SEC24A: variants seen among roughly 807,000 people sequenced by gnomAD.
The protein encoded by SEC24A is protein transport protein Sec24A.
In SEC24A, 93 loss-of-function variants were observed where a neutral mutation model predicts 129.4. The observed-to-expected ratio is 0.72, with a 90% CI of 0.61 to 0.85. SEC24A has a LOEUF of 0.85. SEC24A is among the 40% of genes least tolerant of loss of function. SEC24A has a pLI of 0.00. For synonymous variants in SEC24A, 460 were observed against 467.3 expected, an observed-to-expected ratio of 0.98 and a Z score of 0.20; for missense variants, 1,264 against 1,307.4, an observed-to-expected ratio of 0.97 and a Z score of 0.51.
intron 2 of SEC24A, 148 bp downstream of exon 2, chr5:134,661,734 G>A: frequency 1.4e-6 from 1 of 714,594 alleles, no homozygotes; most frequent in Non-Finnish European, 2.2e-6. Context: ...TTGTTTTTCG[G>A]CTTTCCAGCA....
intron 11 of SEC24A, among the ~76,000 whole-genome samples, chr5:134,689,173 A>C (rs1751550235): frequency 6.6e-6 from 1 of 152,224 alleles, no homozygotes; most frequent in Admixed American, 6.5e-5. Flanking sequence ...AACAGGGGCA[A>C]ATATTTATGC....
chr5:134,708,982 G>C, intron 18 of SEC24A, 94 bp downstream of exon 18: 3 of 1,189,690 alleles, frequency 2.5e-6, no homozygotes, highest in Non-Finnish European at 3.6e-6. Flanking sequence ...GACGTGGGTG[G>C]ATTGCTTGAG....
At chr5:134,676,461 T>C (rs1330368909) in intron 7 of SEC24A, among the ~76,000 whole-genome samples, 34 of 146,446 alleles carry the variant, frequency 2.3e-4, no homozygotes, top group East Asian at 1.4e-3. Context: ...TTTTTTTTTT[T>C]CTGAGACTGG....
In SEC24A at chr5:134,727,676, T is replaced by C. The variant is rs931386229; in HGVS notation, c.*2582T>C. The C allele has an allele frequency of 6.6e-6, 1 of 152,624 alleles. No individual in the cohort carries two copies. The highest frequency in any genetic ancestry group is 1.5e-5 in the Non-Finnish European group (1 of 68,024). 9.5% of individuals were successfully genotyped at this position (152,624 alleles called of 1,614,324 possible). A position where few individuals can be genotyped will look rare whatever the true frequency, so the allele number is the denominator to read the frequency against. On this transcript the variant is annotated 3_prime_UTR_variant, in exon 23 of 23. Transcript: ENST00000398844. ...TAAAGTAGTGTATAATATTGTAATA[T>C]TAAATTCTTGTTCTTAAATTCAAAT...
Position 134,705,354 on chromosome 5 carries a change from T to A in SEC24A, c.2468T>A (p.Leu823Ter), listed in dbSNP as rs757679915. The A allele has an allele frequency of 1.9e-6, 3 of 1,613,552 alleles. No homozygotes were observed. The African/African-American group carries it at 4.0e-5, about 22-fold the overall frequency. ...KGERRIRVHTLCLPVVSTLND... is the reference protein window; with the variant it reads ...KGERRIRVHT The stretch of plus-strand genomic sequence containing the variant: ...GAAAGAAGAATTCGTGTTCATACTT[T>A]GTGTTTGCCAGTAGTTTCGACTCTG... The change falls in exon 17 of 23, where the codon TTG becomes TAG. Residue 823 changes from leucine (L) to a stop codon, truncating the protein, a stop_gained. Coordinates refer to ENST00000398844, the MANE Select transcript of SEC24A (RefSeq NM_021982.3). LOFTEE classifies it high-confidence loss of function.
At chr5:134,697,611 C>T (rs1428593739) in intron 14 of SEC24A, among the ~76,000 whole-genome samples, 2 of 151,992 alleles carry the variant, frequency 1.3e-5, no homozygotes, top group Admixed American at 6.6e-5. Flanking sequence ...AAAAAACTAG[C>T]CAGACATGGT....
Position 134,692,201 on chromosome 5 carries a change from C to G in SEC24A, c.1724-401C>G, listed in dbSNP as rs138667158. Among the ~76,000 whole-genome samples, 9 of 152,044 alleles carry G rather than the reference C, an allele frequency of 5.9e-5. No individual in the cohort carries two copies. The East Asian group carries it at 1.7e-3, about 29-fold the overall frequency. On this transcript the variant is annotated intron_variant, in intron 11 of 22. Transcript: ENST00000398844. Reference sequence around the variant, plus strand: ...AGCTGGGACTATAGGCATGTACCACCATGCCTGGCTCATTTTTGTACTTTT... The same window carrying G: ...AGCTGGGACTATAGGCATGTACCACGATGCCTGGCTCATTTTTGTACTTTT...
At position 134,719,699 on chromosome 5, in the gene SEC24A, T is replaced by G. The variant is rs117562605; in HGVS notation, c.2971-1299T>G. ...CAAGGCCCTGTCTCAAAAACAAAAT[T>G]AAGAGACTGGGCGCAGTAGCCCACA... On this transcript the variant is annotated intron_variant, in intron 20 of 22. Coordinates refer to ENST00000398844, the MANE Select transcript of SEC24A (RefSeq NM_021982.3). Among the ~76,000 whole-genome samples the G allele has an allele frequency of 7.7e-3, 1,149 of 148,572 alleles. 6 individuals carry two copies. Among genetic ancestry groups the G allele is most frequent in the Middle Eastern group, 0.045 (12 of 264 alleles).
At chr5:134,705,488 C>A in intron 17 of SEC24A, 51 bp downstream of exon 17, 1 of 1,183,158 alleles carries the variant, frequency 8.5e-7, no homozygotes, top group Non-Finnish European at 1.2e-6. Flanking sequence ...ACATTAGGCA[C>A]ATCCAAACAG....
In SEC24A at chr5:134,674,710, C is replaced by G. The variant is rs75717272; in HGVS notation, c.913C>G (p.Pro305Ala). 3,909 of 1,613,956 alleles carry G rather than the reference C, an allele frequency of 2.4e-3. 87 individuals carry two copies. In the African/African-American group the frequency reaches 0.048, roughly 20 times the overall value. Residue 305 changes from proline (P) to alanine (A), a missense_variant, in exon 5 of 23, where the codon CCT (proline) becomes GCT (alanine). By Grantham distance (27) the Pro-to-Ala change is conservative (BLOSUM62 -1). Transcript: ENST00000398844. ...LPPGYQNTTP[P>A]GATGVPPSSL... ...ACCTGGTTATCAGAACACAACACCA[C>G]CTGGTGCAACTGGAGTACCACCCTC... is the stretch of plus-strand genomic sequence containing the variant.
In SEC24A at chr5:134,675,095, A is replaced by G. The variant is rs753906905; in HGVS notation, c.1029A>G (p.Leu343=). 17 of 1,612,944 alleles carry G rather than the reference A, an allele frequency of 1.1e-5. No individual in the cohort carries two copies. The East Asian group carries it at 3.6e-4, about 34-fold the overall frequency. The change falls in exon 6 of 23, where the codon CTA becomes CTG. Residue 343 remains leucine, a synonymous_variant. Transcript: ENST00000398844. ...CCACAAGCATGAGTGGATTAAGTCTACAACCAGAGGGTCTAAGAGTTGTCA... is the reference window on the plus strand; with the variant it reads ...CCACAAGCATGAGTGGATTAAGTCTGCAACCAGAGGGTCTAAGAGTTGTCA... ...HLTTSMSGLS[L]QPEGLRVVNL...
intron 9 of SEC24A, among the ~76,000 whole-genome samples, chr5:134,683,938 C>T (rs1009227703): frequency 6.6e-6 from 1 of 152,148 alleles, no homozygotes; most frequent in African/African-American, 2.4e-5. Flanking sequence ...TTTGGTTACT[C>T]TTTCACCATG....
chr5:134,705,782 T>G (rs1323539938), intron 17 of SEC24A, among the ~76,000 whole-genome samples: 1 of 152,150 alleles, frequency 6.6e-6, no homozygotes, highest in African/African-American at 2.4e-5. Flanking sequence ...TCATTAGCAG[T>G]TACTGCCCAC....
At chr5:134,660,953 C>T (rs1750435922) in intron 1 of SEC24A, among the ~76,000 whole-genome samples, 166 bp from the exon 2 acceptor site, 1 of 152,152 alleles carries the variant, frequency 6.6e-6, no homozygotes, top group African/African-American at 2.4e-5. Context: ...TGCTTATTAG[C>T]TATCTTCTTT....
At chr5:134,652,691 G>T (rs189740268) in intron 1 of SEC24A, among the ~76,000 whole-genome samples, 1 of 152,130 alleles carries the variant, frequency 6.6e-6, no homozygotes, top group African/African-American at 2.4e-5. Flanking sequence ...AGGTTCAAGC[G>T]ATTCTCCTGC....
rs1343181558 is a variant in SEC24A, at chr5:134,686,815, A to C, written c.1517A>C (p.Tyr506Ser). 1 of 1,606,558 alleles carries C rather than the reference A, an allele frequency of 6.2e-7. No homozygotes were observed. The highest frequency in any genetic ancestry group is 8.5e-7 in the Non-Finnish European group (1 of 1,176,902). Residue 506 changes from tyrosine to serine, a missense_variant, in exon 10 of 23, where the codon TAT becomes TCT. Coordinates refer to ENST00000398844, the MANE Select transcript of SEC24A (RefSeq NM_021982.3). ...YMLRPPQPPVYLFVFDVSHNA... is the reference protein window; with the variant it reads ...YMLRPPQPPVSLFVFDVSHNA... ...TTACGACCACCTCAGCCTCCAGTGTATCTCTTTGTATTTGATGTGTCTCAC... is the reference window on the plus strand; with the variant it reads ...TTACGACCACCTCAGCCTCCAGTGTCTCTCTTTGTATTTGATGTGTCTCAC...
intron 19 of SEC24A, among the ~76,000 whole-genome samples, chr5:134,717,690 T>C (rs1057419734): frequency 6.6e-6 from 1 of 151,520 alleles, no homozygotes; most frequent in African/African-American, 2.4e-5. Context: ...CCGAGGCGGG[T>C]GGATCAACTG....
intron 15 of SEC24A, among the ~76,000 whole-genome samples, chr5:134,702,028 G>A (rs1450228982): frequency 6.6e-6 from 1 of 152,056 alleles, no homozygotes; most frequent in East Asian, 1.9e-4. Context: ...CTTTCCCATG[G>A]CATTTATAAA....
At position 134,718,162 on chromosome 5, in the gene SEC24A, G is replaced by A. The variant is rs1439484791; in HGVS notation, c.2959G>A (p.Asp987Asn). ...KLSRDGAFLMDAGSVLMLWVG... is the reference protein window; with the variant it reads ...KLSRDGAFLMNAGSVLMLWVG... The stretch of plus-strand genomic sequence containing the variant: ...GAGCAGAGATGGAGCTTTCCTCATG[G>A]ATGCAGGCTCTGTAAGTAATTTGAC... Residue 987 changes from aspartate (D) to asparagine (N), a missense_variant, in exon 20 of 23, where the codon GAT becomes AAT. Coordinates refer to ENST00000398844, the MANE Select transcript of SEC24A (RefSeq NM_021982.3). The A allele has an allele frequency of 2.5e-6, 4 of 1,612,664 alleles. No individual in the cohort carries two copies. The highest frequency in any genetic ancestry group is 3.4e-6 in the Non-Finnish European group (4 of 1,178,796).
Sources: gnomAD v4.1 joint callset for allele counts (sites outside exome capture counted in the v4.1 genomes callset) on GRCh38, gnomAD v4.1.1 for gene constraint, MANE v1.5 for transcripts, NCBI Gene and HGNC (gene_info 2026-07-23, HGNC 2026-07-21) for gene names.